PITPNM3: variants seen among roughly 807,000 people sequenced by gnomAD.
PITPNM3 encodes the protein membrane-associated phosphatidylinositol transfer protein 3.
Under a neutral mutation model 102.0 loss-of-function variants are expected in PITPNM3, and 26 were observed. That is an observed-to-expected ratio of 0.25 (90% CI 0.19 to 0.35). The LOEUF is 0.35. Ranked by LOEUF, PITPNM3 falls within the 10% of genes least tolerant of loss-of-function variation. The probability of loss-of-function intolerance (pLI) is 1.00; values close to 1 mark genes in which losing one functional copy is unlikely to be tolerated. For missense variants in PITPNM3, 1,083 were observed against 1,346.1 expected (o/e 0.80, Z 3.06); for synonymous variants, 578 against 558.6 (o/e 1.03, Z -0.49).
chr17:6,553,961 T>A (rs1910458186), intron 1 of PITPNM3, among the ~76,000 whole-genome samples: 1 of 152,142 alleles, frequency 6.6e-6, no homozygotes, highest in Non-Finnish European at 1.5e-5. Flanking sequence ...CAATGAGGAA[T>A]ATGTGATTCT....
At chr17:6,542,278 C>T (rs1462829403) in intron 1 of PITPNM3, among the ~76,000 whole-genome samples, 1 of 152,242 alleles carries the variant, frequency 6.6e-6, no homozygotes, top group Non-Finnish European at 1.5e-5. Context: ...TGGATGTCTA[C>T]ATTCCTGCGT....
intron 3 of PITPNM3, among the ~76,000 whole-genome samples, chr17:6,506,390 T>C (rs1907512638): frequency 6.6e-6 from 1 of 151,646 alleles, no homozygotes; most frequent in African/African-American, 2.4e-5. Flanking sequence ...TTTTTTTTTT[T>C]TTGACAGAGT....
chr17:6,472,212 C>T lies in PITPNM3; in HGVS notation c.1429+445G>A, dbSNP rs150996017. ...TCTCCCTGCCTGGAAGATCTCAACC[C>T]TCATCCTCTAGCTCTTCTCCACCTG... On this transcript the variant is annotated intron_variant, in intron 11 of 19. Coordinates refer to ENST00000262483, the MANE Select transcript of PITPNM3 (RefSeq NM_031220.4). This position sits in a 1 kb window ranked among gnomAD's most constrained non-coding sequence, Gnocchi z 4.1. 1.9e-3 allele frequency among the ~76,000 whole-genome samples: 294 copies of T among 152,316 alleles called. 1 individual carries two copies. The highest frequency in any genetic ancestry group is 6.5e-3 in the African/African-American group (270 of 41,566).
intron 6 of PITPNM3, chr17:6,479,399 C>T (rs1404777714): frequency 6.5e-6 from 1 of 152,680 alleles, no homozygotes; most frequent in Admixed American, 6.5e-5. Flanking sequence ...CAACTCCCTA[C>T]CTTCCCACTA....
At chr17:6,482,611 A>G (rs952577989) in intron 6 of PITPNM3, among the ~76,000 whole-genome samples, 4 of 152,162 alleles carry the variant, frequency 2.6e-5, no homozygotes, top group Non-Finnish European at 5.9e-5. Flanking sequence ...AAACTGGGGC[A>G]TGGTATCGGT....
rs531077310 is a variant in PITPNM3 at position 6,547,721 on chromosome 17, CTCTTT to C, written c.22+8659_22+8663del. 7.5e-4 allele frequency among the ~76,000 whole-genome samples: 113 copies of C among 151,614 alleles called. 1 individual carries two copies. The highest frequency in any genetic ancestry group is 1.9e-3 in the East Asian group (10 of 5,178). On this transcript the variant is annotated intron_variant, in intron 1 of 19. Coordinates refer to ENST00000262483, the MANE Select transcript of PITPNM3 (RefSeq NM_031220.4). ...CAGACTCCTCAAAGGACGCTGGGGT[CTCTTT>C]TCTTTTCTTTTCTTTTCTTTTTTTT...
At chr17:6,516,391 G>A (rs1472620475) in intron 3 of PITPNM3, among the ~76,000 whole-genome samples, 1 of 151,408 alleles carries the variant, frequency 6.6e-6, no homozygotes, top group South Asian at 2.1e-4. Context: ...GCGAAACCCC[G>A]TCTCTACTAA....
chr17:6,454,965 C>G lies in PITPNM3; in HGVS notation c.*373G>C, dbSNP rs1914018790. 1 of 262,754 alleles carries G rather than the reference C, an allele frequency of 3.8e-6. No individual in the cohort carries two copies. Among genetic ancestry groups the G allele is most frequent in the Non-Finnish European group, 7.2e-6 (1 of 138,320 alleles). 16.3% of individuals were successfully genotyped at this position (262,754 alleles called of 1,614,324 possible). The stretch of plus-strand genomic sequence containing the variant: ...GCTTGGTGCCGAGGCTGGGGCTGCC[C>G]CCTTGAGGGCCTGCCTAGCTCGCTG... On this transcript the variant is annotated 3_prime_UTR_variant, in exon 20 of 20. Transcript: ENST00000262483.
chr17:6,465,906 C>T (rs1324649435), intron 14 of PITPNM3, among the ~76,000 whole-genome samples: 1 of 152,220 alleles, frequency 6.6e-6, no homozygotes, highest in African/African-American at 2.4e-5. Flanking sequence ...ATGCTGCTAA[C>T]AGCTCCCTAA....
intron 3 of PITPNM3, among the ~76,000 whole-genome samples, chr17:6,509,935 C>A (rs1166795843): frequency 6.6e-6 from 1 of 152,280 alleles, no homozygotes; most frequent in South Asian, 2.1e-4. Context: ...CTTTTCCACC[C>A]CTGCCTCTTT....
chr17:6,535,153 A>G (rs1909343870), intron 2 of PITPNM3, among the ~76,000 whole-genome samples: 2 of 152,038 alleles, frequency 1.3e-5, no homozygotes, highest in African/African-American at 4.8e-5. Context: ...TTGAGGCCAC[A>G]GGATGCCAGG....
intron 3 of PITPNM3, among the ~76,000 whole-genome samples, chr17:6,523,182 T>A (rs145493956): frequency 2.0e-3 from 306 of 152,278 alleles, no homozygotes; most frequent in Admixed American, 4.3e-3. Context: ...CAGGAAGCAT[T>A]TGTGAGGGCT....
chr17:6,512,577 G>A (rs1907927591), intron 3 of PITPNM3, among the ~76,000 whole-genome samples: 1 of 152,174 alleles, frequency 6.6e-6, no homozygotes, highest in African/African-American at 2.4e-5. Context: ...GTCTAGAAAT[G>A]TGACCCCCAA....
chr17:6,547,759 G>T (rs938611021), intron 1 of PITPNM3, among the ~76,000 whole-genome samples: 19 of 150,734 alleles, frequency 1.3e-4, no homozygotes, highest in African/African-American at 4.7e-4. Context: ...TTTTTTGACA[G>T]AGTTTCACTC....
rs1312792836 is a variant in PITPNM3, at chr17:6,467,081, C to CAAAAAAAAAAAAAAAAAA, written c.1890+1143_1890+1144insTTTTTTTTTTTTTTTTTT. ...CCGTCTCAAAACAAAAAAAAAAAAC[C>CAAAAAAAAAAAAAAAAAA]AAAAAAAAAAAACAGGTGAAAACAA... On this transcript the variant is annotated intron_variant, in intron 14 of 19. Coordinates refer to ENST00000262483, the MANE Select transcript of PITPNM3 (RefSeq NM_031220.4). Among the ~76,000 whole-genome samples, 2 of 101,592 alleles carry CAAAAAAAAAAAAAAAAAA rather than the reference C, an allele frequency of 2.0e-5. 1 individual carries two copies. The highest frequency in any genetic ancestry group is 3.6e-5 in the Non-Finnish European group (2 of 55,950). 66.6% of individuals were successfully genotyped at this position (101,592 alleles called of 152,430 possible). A position where few individuals can be genotyped will look rare whatever the true frequency, so the allele number is the denominator to read the frequency against.
chr17:6,551,362 A>C (rs1490854713), intron 1 of PITPNM3, among the ~76,000 whole-genome samples: 1 of 137,896 alleles, frequency 7.3e-6, no homozygotes. Context: ...ACTCCATCTC[A>C]AAAAAAAAAA....
In PITPNM3 at chr17:6,478,841, C is replaced by T; in HGVS notation, c.588-105G>A. The T allele has an allele frequency of 8.5e-7, 1 of 1,178,976 alleles. No homozygotes were observed. The highest frequency in any genetic ancestry group is 1.2e-6 in the Non-Finnish European group (1 of 852,642). The allele number at this position is 1,178,976 out of a possible 1,614,324, so 73.0% of individuals were successfully genotyped here. On this transcript the variant is annotated intron_variant, in intron 6 of 19. Transcript: ENST00000262483. The surrounding 1 kb of genome is among the most constrained non-coding windows in gnomAD (Gnocchi z 4.4). Reference sequence around the variant, plus strand: ...GAGCACATACTGGCCAGGAATTGGGCTCCAGGGACCCTTCAGGAAGACCCA... The same window carrying T: ...GAGCACATACTGGCCAGGAATTGGGTTCCAGGGACCCTTCAGGAAGACCCA...
chr17:6,535,955 T>C (rs1909397252), intron 2 of PITPNM3, among the ~76,000 whole-genome samples: 1 of 151,148 alleles, frequency 6.6e-6, no homozygotes, highest in Admixed American at 6.6e-5. Context: ...TCCCAGCTAC[T>C]TGGGAGGCTG....
rs1491106251 is a variant in PITPNM3, at chr17:6,451,888, CCG to C, written c.*3448_*3449del. 12 of 22,554 alleles carry C rather than the reference CCG, an allele frequency of 5.3e-4. 4 individuals carry two copies. Among genetic ancestry groups the C allele is most frequent in the Non-Finnish European group, 1.1e-3 (12 of 10,872 alleles). 1.4% of individuals were successfully genotyped at this position (22,554 alleles called of 1,614,324 possible). A position where few individuals can be genotyped will look rare whatever the true frequency, so the allele number is the denominator to read the frequency against. On this transcript the variant is annotated 3_prime_UTR_variant, in exon 20 of 20. Transcript: ENST00000262483. ...TGGCACCCAAACCCCCCCCCCCCGC[CCG>C]CCGATGGGATTCGGTGGGAAAGTTG... is the stretch of plus-strand genomic sequence containing the variant.
Sources: gnomAD v4.1 joint callset for allele counts (sites outside exome capture counted in the v4.1 genomes callset) on GRCh38, gnomAD v4.1.1 for gene constraint, Gnocchi (gnomAD v3.1) non-coding constraint, MANE v1.5 for transcripts, NCBI Gene and HGNC (gene_info 2026-07-23, HGNC 2026-07-21) for gene names.